The following CFAP61 variants were observed in gnomAD, a reference collection of about 807,000 sequenced individuals.
CFAP61 encodes the protein cilia and flagella associated protein 61, also known as cilia- and flagella-associated protein 61.
CFAP61 carries 107 observed loss-of-function variants against 135.6 expected under a neutral mutation model. The observed-to-expected ratio is 0.79, with a 90% CI of 0.67 to 0.93. The LOEUF is 0.93. Ranked by LOEUF, CFAP61 falls within the 40% of genes least tolerant of loss-of-function variation. The pLI is 0.00. For missense variants in CFAP61, 1,507 were observed against 1,556.2 expected (o/e 0.97, Z 0.53); for synonymous variants, 575 against 578.5 (o/e 0.99, Z 0.09).
chr20:20,153,411 A>C (rs1338187709), intron 9 of CFAP61, among the ~76,000 whole-genome samples: 1 of 152,170 alleles, frequency 6.6e-6, no homozygotes, highest in Non-Finnish European at 1.5e-5. Flanking sequence ...AAAATTCAAA[A>C]GATAAACGAA....
chr20:20,227,757 C>T (rs1218027771), intron 17 of CFAP61, among the ~76,000 whole-genome samples: 1 of 152,210 alleles, frequency 6.6e-6, no homozygotes, highest in Non-Finnish European at 1.5e-5. Flanking sequence ...GTCCACAAGA[C>T]ACCGCGTTAA....
chr20:20,271,441 C>T (rs191380763), intron 21 of CFAP61, among the ~76,000 whole-genome samples: 1 of 152,330 alleles, frequency 6.6e-6, no homozygotes, highest in East Asian at 1.9e-4. Context: ...CTCTCTCTCC[C>T]CTGTTGGGCT....
At chr20:20,212,208 G>A (rs1377548777) in intron 17 of CFAP61, among the ~76,000 whole-genome samples, 1 of 152,010 alleles carries the variant, frequency 6.6e-6, no homozygotes, top group Admixed American at 6.6e-5. Context: ...AGCGGAAGGC[G>A]GCCATAGTTC....
At chr20:20,056,540 C>T in intron 1 of CFAP61, 78 bp from the exon 2 acceptor site, 1 of 1,013,254 alleles carries the variant, frequency 9.9e-7, no homozygotes, top group African/African-American at 1.6e-5. Context: ...CATGTTCACT[C>T]TGACCACATG....
chr20:20,075,720 AT>A (rs996702657), intron 6 of CFAP61, 105 bp downstream of exon 6: 17 of 1,221,492 alleles, frequency 1.4e-5, no homozygotes, highest in Admixed American at 2.2e-5. Context: ...TTAGATCAAA[AT>A]TTTTTACAAT....
At chr20:20,294,014 AAAG>A (rs1332124960) in intron 24 of CFAP61, among the ~76,000 whole-genome samples, 5 of 152,258 alleles carry the variant, frequency 3.3e-5, no homozygotes, top group East Asian at 1.9e-4. Flanking sequence ...TCAGGGAAAA[AAAG>A]AAGAAGAAAA....
chr20:20,078,083 C>G (rs11905970), intron 6 of CFAP61, among the ~76,000 whole-genome samples: 15,385 of 152,124 alleles, frequency 0.1, 2,610 homozygotes, highest in African/African-American at 0.35. Context: ...CAGGGCCTGC[C>G]CTGCTGTCAT....
In CFAP61 at chr20:20,181,401, T is replaced by G. The variant is rs1004786409; in HGVS notation, c.1386-6529T>G. Reference sequence around the variant, plus strand: ...ATATGATATTCTACTTTATTGTGTGTGTGACCTGATTAAATACTAGAAACC... The same window carrying G: ...ATATGATATTCTACTTTATTGTGTGGGTGACCTGATTAAATACTAGAAACC... On this transcript the variant is annotated intron_variant, in intron 13 of 26. Coordinates refer to ENST00000245957, the MANE Select transcript of CFAP61 (RefSeq NM_015585.4). Among the ~76,000 whole-genome samples the G allele has an allele frequency of 4.6e-5, 7 of 151,998 alleles. No homozygotes were observed. In the South Asian group the frequency reaches 1.5e-3, roughly 32 times the overall value.
intron 8 of CFAP61, among the ~76,000 whole-genome samples, chr20:20,141,263 CAT>C (rs775296499): frequency 6.6e-6 from 1 of 152,064 alleles, no homozygotes; most frequent in Non-Finnish European, 1.5e-5. Context: ...CAGGAACAGA[CAT>C]ATGTAGAAAT....
chr20:20,277,541 G>A, intron 22 of CFAP61, 83 bp downstream of exon 22: 3 of 1,423,158 alleles, frequency 2.1e-6, no homozygotes, highest in South Asian at 1.4e-5. Context: ...AAGATTGCGG[G>A]CAGTGAATTT....
At chr20:20,268,525 T>C (rs1463204420) in intron 21 of CFAP61, among the ~76,000 whole-genome samples, 2 of 152,218 alleles carry the variant, frequency 1.3e-5, no homozygotes, top group Admixed American at 1.3e-4. Context: ...GAGAACACAG[T>C]GGTTCTGTGA....
At chr20:20,334,319 G>A (rs922225956) in intron 25 of CFAP61, among the ~76,000 whole-genome samples, 1 of 152,096 alleles carries the variant, frequency 6.6e-6, no homozygotes, top group Non-Finnish European at 1.5e-5. Context: ...TAGAGACGGG[G>A]TTTCGCCATC....
intron 14 of CFAP61, among the ~76,000 whole-genome samples, chr20:20,189,679 C>T (rs977105730): frequency 1.3e-5 from 2 of 152,172 alleles, no homozygotes; most frequent in African/African-American, 2.4e-5. Flanking sequence ...TGCCACTAGC[C>T]GCTAAATGCT....
At chr20:20,308,897 A>T (rs1426552147) in intron 25 of CFAP61, among the ~76,000 whole-genome samples, 1 of 152,218 alleles carries the variant, frequency 6.6e-6, no homozygotes, top group Non-Finnish European at 1.5e-5. Flanking sequence ...ATAATAGCTG[A>T]TGAGCCGTGG....
In CFAP61 at chr20:20,285,818, G is replaced by T. The variant is rs545302661; in HGVS notation, c.2797-2791G>T. On this transcript the variant is annotated intron_variant, in intron 22 of 26. Coordinates refer to ENST00000245957, the MANE Select transcript of CFAP61 (RefSeq NM_015585.4). ...ACCTGTAGTTCCAGCTACATGGGGG[G>T]GCTGAGGCAGAAGGATTCCTTGAAC... 1.5e-4 allele frequency among the ~76,000 whole-genome samples: 23 copies of T among 151,762 alleles called. No individual in the cohort carries two copies. The East Asian group carries it at 3.3e-3, about 22-fold the overall frequency.
chr20:20,251,309 T>TCA lies in CFAP61; in HGVS notation c.2160-273_2160-272dup, dbSNP rs765891610. ...GAAGAAAGGTATAGTATGAGTGATTTCACACACACACACATACAGATAAAC... is the reference window on the plus strand; with the variant it reads ...GAAGAAAGGTATAGTATGAGTGATTTCACACACACACACACATACAGATAAAC... On this transcript the variant is annotated intron_variant, in intron 19 of 26. Transcript: ENST00000245957. 5.3e-5 allele frequency among the ~76,000 whole-genome samples: 8 copies of TCA among 149,834 alleles called. No individual in the cohort carries two copies. In the South Asian group the frequency reaches 6.4e-4, roughly 12 times the overall value.
chr20:20,246,410 G>A (rs2050462446), intron 19 of CFAP61, among the ~76,000 whole-genome samples, 195 bp downstream of exon 19: 1 of 152,218 alleles, frequency 6.6e-6, no homozygotes, highest in Non-Finnish European at 1.5e-5. Flanking sequence ...GCAGGCCAGG[G>A]CCACCAGTTT....
chr20:20,354,341 A>C (rs2058961264), intron 26 of CFAP61, among the ~76,000 whole-genome samples: 1 of 152,044 alleles, frequency 6.6e-6, no homozygotes, highest in Non-Finnish European at 1.5e-5. Context: ...GTCTGTACTA[A>C]AAATACAAAA....
At chr20:20,161,576 C>T (rs924793649) in intron 10 of CFAP61, among the ~76,000 whole-genome samples, 1 of 152,140 alleles carries the variant, frequency 6.6e-6, no homozygotes, top group Non-Finnish European at 1.5e-5. Flanking sequence ...GTGAATTCTG[C>T]ACAAGGCTGA....
Sources: allele counts gnomAD v4.1 joint callset (sites outside exome capture counted in the v4.1 genomes callset), GRCh38; gene constraint gnomAD v4.1.1; transcripts MANE v1.5; gene names NCBI Gene and HGNC (gene_info 2026-07-23, HGNC 2026-07-21).